The following SCN8A variants were observed in gnomAD, a reference collection of about 807,000 sequenced individuals.
The protein encoded by SCN8A is sodium voltage-gated channel alpha subunit 8.
Under a neutral mutation model 184.1 loss-of-function variants are expected in SCN8A, and 30 were observed. The ratio of observed to expected loss-of-function variants is 0.16; its 90% CI spans 0.12 to 0.22. The LOEUF (loss-of-function observed/expected upper bound fraction) is 0.22. SCN8A is among the 10% of genes least tolerant of loss of function. The pLI is 1.00. For missense variants in SCN8A, 1,057 were observed against 2,498.9 expected (o/e 0.42, Z 12.30); for synonymous variants, 852 against 907.0 (o/e 0.94, Z 1.09).
chr12:51,751,230 A>G (rs542649939), intron 13 of SCN8A, 125 bp from the exon 14 acceptor site: 18 of 679,288 alleles, frequency 2.6e-5, no homozygotes, highest in South Asian at 2.4e-4. Context: ...ACACTTAGGA[A>G]TGTCAGCGCT....
chr12:51,785,815 A>G (rs1169112427), intron 21 of SCN8A, among the ~76,000 whole-genome samples: 2 of 152,178 alleles, frequency 1.3e-5, no homozygotes, highest in Non-Finnish European at 2.9e-5. Flanking sequence ...GAGTGGAGTC[A>G]AGCCCTGGAA....
chr12:51,763,692 G>A (rs1410102289), intron 15 of SCN8A, among the ~76,000 whole-genome samples: 2 of 152,142 alleles, frequency 1.3e-5, no homozygotes, highest in African/African-American at 2.4e-5. Context: ...ACAGCTGTCC[G>A]TAAACATAAG....
At chr12:51,747,129 G>C (rs1405087502) in intron 13 of SCN8A, among the ~76,000 whole-genome samples, 1 of 150,830 alleles carries the variant, frequency 6.6e-6, no homozygotes, top group Non-Finnish European at 1.5e-5. Flanking sequence ...GTGTGTGTGT[G>C]TGTTGGGGAG....
In SCN8A at chr12:51,625,702, T is replaced by C. The variant is rs76182012; in HGVS notation, c.-55+34343T>C. 2.9e-3 allele frequency among the ~76,000 whole-genome samples: 447 copies of C among 152,348 alleles called. 3 individuals are homozygous for C. Among genetic ancestry groups the C allele is most frequent in the African/African-American group, 0.01 (426 of 41,590 alleles). On this transcript the variant is annotated intron_variant, in intron 1 of 26. Transcript: ENST00000627620. The stretch of plus-strand genomic sequence containing the variant: ...CCAAAAATGTCAACTAATTATCTAC[T>C]TGTCTGTGTAAAATTCAGCTTATCA...
intron 13 of SCN8A, among the ~76,000 whole-genome samples, chr12:51,749,077 A>T (rs1314898907): frequency 1.3e-5 from 2 of 152,224 alleles, no homozygotes; most frequent in Non-Finnish European, 2.9e-5. Context: ...CCCCAAGCCA[A>T]ATACTGGGCC....
At chr12:51,684,135 C>A in intron 2 of SCN8A, 39 bp from the exon 3 acceptor site, 4 of 973,606 alleles carry the variant, frequency 4.1e-6, no homozygotes, top group Non-Finnish European at 6.7e-6. Flanking sequence ...TGACTCATAC[C>A]CATGCTTTAA....
At chr12:51,724,460 A>G in intron 12 of SCN8A, among the ~76,000 whole-genome samples, 1 of 151,616 alleles carries the variant, frequency 6.6e-6, no homozygotes, top group Non-Finnish European at 1.5e-5. Flanking sequence ...AAAAAGAAAA[A>G]ACAAAACAAA....
intron 12 of SCN8A, among the ~76,000 whole-genome samples, chr12:51,743,838 GA>G (rs755184794): frequency 1.3e-5 from 2 of 152,194 alleles, no homozygotes; most frequent in Non-Finnish European, 2.9e-5. Flanking sequence ...AAGCCTTAGA[GA>G]TTTCTTAGCA....
chr12:51,771,015 G>A (rs1007357795), intron 19 of SCN8A, among the ~76,000 whole-genome samples: 4 of 152,186 alleles, frequency 2.6e-5, no homozygotes, highest in Admixed American at 2.6e-4. Context: ...CCCAGGATGG[G>A]AGGGAGGTGT....
chr12:51,591,491 C>G (rs1939216881), intron 1 of SCN8A, 132 bp downstream of exon 1: 1 of 152,750 alleles, frequency 6.5e-6, no homozygotes, highest in Non-Finnish European at 1.5e-5. Flanking sequence ...CGGCGGGGCT[C>G]CAGGGGCCGT....
At chr12:51,744,669 T>C (rs879889649) in intron 12 of SCN8A, among the ~76,000 whole-genome samples, 9 of 150,596 alleles carry the variant, frequency 6.0e-5, no homozygotes, top group Non-Finnish European at 1.0e-4. Flanking sequence ...GGTCTCTAAC[T>C]CCTGGGCTCA....
At chr12:51,633,506 T>A (rs994675998) in intron 1 of SCN8A, among the ~76,000 whole-genome samples, 2 of 152,226 alleles carry the variant, frequency 1.3e-5, no homozygotes, top group Non-Finnish European at 2.9e-5. Flanking sequence ...TTTGTGAAAT[T>A]CCTCCCACCA....
chr12:51,779,100 A>G (rs1937808630), intron 20 of SCN8A, among the ~76,000 whole-genome samples: 1 of 151,998 alleles, frequency 6.6e-6, no homozygotes, highest in South Asian at 2.1e-4. Flanking sequence ...CTGTAATCCA[A>G]GCTACTCACC....
At chr12:51,794,830 T>C (rs547194784) in intron 26 of SCN8A, among the ~76,000 whole-genome samples, 189 bp downstream of exon 26, 4 of 151,834 alleles carry the variant, frequency 2.6e-5, no homozygotes, top group Non-Finnish European at 5.9e-5. Context: ...AGTGAGTTTC[T>C]ACTGAGTGTT....
chr12:51,799,202 G>A (rs1938491199), intron 26 of SCN8A, among the ~76,000 whole-genome samples: 1 of 152,160 alleles, frequency 6.6e-6, no homozygotes, highest in African/African-American at 2.4e-5. Flanking sequence ...GGCAGCAGTG[G>A]GGACCATGGG....
chr12:51,663,776 T>A (rs886406157), intron 2 of SCN8A, among the ~76,000 whole-genome samples: 3 of 152,124 alleles, frequency 2.0e-5, no homozygotes, highest in African/African-American at 7.2e-5. Context: ...AGCTACTTTC[T>A]CATGATTATC....
At chr12:51,655,488 C>T (rs1258590853) in intron 1 of SCN8A, among the ~76,000 whole-genome samples, 1 of 151,888 alleles carries the variant, frequency 6.6e-6, no homozygotes, top group African/African-American at 2.4e-5. Flanking sequence ...CTCAAGTGAT[C>T]CTCCCATCTC....
chr12:51,631,048 C>A (rs866596373), intron 1 of SCN8A, among the ~76,000 whole-genome samples: 1 of 152,170 alleles, frequency 6.6e-6, no homozygotes, highest in Non-Finnish European at 1.5e-5. Context: ...CATCATCAAG[C>A]GTTTTGATTC....
chr12:51,744,268 A>T (rs1942472844), intron 12 of SCN8A, among the ~76,000 whole-genome samples: 1 of 152,246 alleles, frequency 6.6e-6, no homozygotes, highest in Admixed American at 6.5e-5. Context: ...ATGCCACTGC[A>T]TTCCAGCCCG....
Sources: allele counts gnomAD v4.1 joint callset (sites outside exome capture counted in the v4.1 genomes callset), GRCh38; gene constraint gnomAD v4.1.1; transcripts MANE v1.5; gene names NCBI Gene and HGNC (gene_info 2026-07-23, HGNC 2026-07-21).